The following EPAS1 variants were observed in gnomAD, a reference collection of about 807,000 sequenced individuals.
EPAS1 encodes the protein endothelial PAS domain protein 1, also known as endothelial PAS domain-containing protein 1.
EPAS1 carries 23 observed loss-of-function variants against 87.9 expected under a neutral mutation model. That is an observed-to-expected ratio of 0.26 (90% CI 0.19 to 0.37). The LOEUF is 0.37. Among genes scored for constraint, EPAS1 ranks in the 10% least tolerant of loss-of-function variants. The probability of loss-of-function intolerance (pLI) is 1.00; values close to 1 mark genes in which losing one functional copy is unlikely to be tolerated. For missense variants in EPAS1, 1,138 were observed against 1,120.7 expected (o/e 1.02, Z -0.22); for synonymous variants, 508 against 444.3 (o/e 1.14, Z -1.80).
rs762460551 is a variant in EPAS1 at position 46,380,208 on chromosome 2, C to T, written c.1555-19C>T. The stretch of plus-strand genomic sequence containing the variant: ...CGTACCAACCCCCTTGCCTCTTTGC[C>T]GGTGCTGTCTCCCCTCAGACGGATT... On this transcript the variant is annotated intron_variant, in intron 11 of 15. Transcript: ENST00000263734. This position sits in a 1 kb window ranked among gnomAD's most constrained non-coding sequence, Gnocchi z 4.4. The T allele has an allele frequency of 2.2e-5, 35 of 1,606,232 alleles. No individual in the cohort carries two copies. The highest frequency in any genetic ancestry group is 1.6e-4 in the Middle Eastern group (1 of 6,084).
chr2:46,301,724 A>G (rs1683003880), intron 1 of EPAS1, among the ~76,000 whole-genome samples: 1 of 151,782 alleles, frequency 6.6e-6, no homozygotes, highest in Non-Finnish European at 1.5e-5. Context: ...CCCCATCACA[A>G]CTCTCAAACC....
intron 2 of EPAS1, 71 bp from the exon 3 acceptor site, chr2:46,356,080 C>A: frequency 1.3e-6 from 2 of 1,509,468 alleles, no homozygotes; most frequent in Non-Finnish European, 9.2e-7. Context: ...CTGGCAAATG[C>A]CTATCTGTGC....
intron 1 of EPAS1, among the ~76,000 whole-genome samples, chr2:46,333,950 G>C (rs573197737): frequency 6.6e-6 from 1 of 152,138 alleles, no homozygotes; most frequent in East Asian, 1.9e-4. Flanking sequence ...GTGTGCCCTG[G>C]GTGAAGTTTG....
rs76239010 is a variant in EPAS1 at position 46,366,097 on chromosome 2, G to T, written c.780-3730G>T. On this transcript the variant is annotated intron_variant, in intron 6 of 15. Coordinates refer to ENST00000263734, the MANE Select transcript of EPAS1 (RefSeq NM_001430.5). ...AGCCAGATCTTGCGTGACTCCAGGCGGTGGCATCTGAAGTCAGGCACCGTG... is the reference window on the plus strand; with the variant it reads ...AGCCAGATCTTGCGTGACTCCAGGCTGTGGCATCTGAAGTCAGGCACCGTG... 2.6e-3 allele frequency among the ~76,000 whole-genome samples: 388 copies of T among 151,030 alleles called. 2 individuals carry two copies. Among genetic ancestry groups the T allele is most frequent in the African/African-American group, 9.2e-3 (379 of 41,058 alleles).
At chr2:46,309,405 A>G (rs1271594366) in intron 1 of EPAS1, among the ~76,000 whole-genome samples, 2 of 152,368 alleles carry the variant, frequency 1.3e-5, no homozygotes, top group African/African-American at 2.4e-5. Context: ...CTGCCTTTAC[A>G]ATGTTGCCAT....
rs1460559038 is a variant in EPAS1 at position 46,381,160 on chromosome 2, TC to T, written c.2046-433del. ...CTGTGCCTAGGCTCCAGAAATGCCT[TC>T]CCATCTCCCCAGCATGCTCATTTCA... On this transcript the variant is annotated intron_variant, in intron 12 of 15. Transcript: ENST00000263734. 7 of 344,596 alleles carry T rather than the reference TC, an allele frequency of 2.0e-5. No homozygotes were observed. The Admixed American group carries it at 2.9e-4, about 14-fold the overall frequency. 21.3% of individuals were successfully genotyped at this position (344,596 alleles called of 1,614,324 possible). A position where few individuals can be genotyped will look rare whatever the true frequency, so the allele number is the denominator to read the frequency against.
intron 7 of EPAS1, among the ~76,000 whole-genome samples, chr2:46,373,393 G>A (rs1003919872): frequency 6.6e-6 from 1 of 152,052 alleles, no homozygotes; most frequent in African/African-American, 2.4e-5. Context: ...CCATCAACAG[G>A]CAGATGGATA....
Position 46,319,113 on chromosome 2 carries a change from G to A in EPAS1, c.26+21176G>A, listed in dbSNP as rs1558585750. Among the ~76,000 whole-genome samples, 2 of 152,306 alleles carry A rather than the reference G, an allele frequency of 1.3e-5. 1 individual carries two copies. Among genetic ancestry groups the A allele is most frequent in the South Asian group, 4.1e-4 (2 of 4,830 alleles). ...ATTTCTGACCAGTGTGTTAGCTATG[G>A]TGCCCCAGAAATAGCTGCAAAATAA... On this transcript the variant is annotated intron_variant, in intron 1 of 15. Coordinates refer to ENST00000263734, the MANE Select transcript of EPAS1 (RefSeq NM_001430.5).
chr2:46,346,992 C>G lies in EPAS1; in HGVS notation c.146C>G (p.Ser49Cys), dbSNP rs149898744. The G allele has an allele frequency of 6.2e-7, 1 of 1,614,190 alleles. No homozygotes were observed. Among genetic ancestry groups the G allele is most frequent in the Non-Finnish European group, 8.5e-7 (1 of 1,180,034 alleles). The change falls in exon 2 of 16, where the codon TCC (serine) becomes TGC (cysteine). Residue 49 changes from serine (S) to cysteine (C), a missense_variant. By Grantham distance (112) the Ser-to-Cys change is moderately radical (BLOSUM62 -1). This residue lies in a region of EPAS1 where 351 missense variants were observed against 417.1 expected (regional missense o/e 0.84). Transcript: ENST00000263734. This position sits in a 1 kb window ranked among gnomAD's most constrained non-coding sequence, Gnocchi z 4.0. Reference sequence around the variant, plus strand: ...CTGCCTCTGCCCCACAGTGTGAGCTCCCATCTGGACAAGGCCTCCATCATG... The same window carrying G: ...CTGCCTCTGCCCCACAGTGTGAGCTGCCATCTGGACAAGGCCTCCATCATG... The part of the protein sequence containing the change: ...HELPLPHSVS[S>C]HLDKASIMRL...
intron 1 of EPAS1, chr2:46,335,923 C>A (rs766932991): frequency 8.5e-5 from 13 of 152,212 alleles, no homozygotes; most frequent in Admixed American, 5.9e-4. Flanking sequence ...TCACTCCCTG[C>A]GCAGTTGGCT....
At chr2:46,374,155 C>T (rs1405601668) in intron 7 of EPAS1, among the ~76,000 whole-genome samples, 5 of 152,214 alleles carry the variant, frequency 3.3e-5, no homozygotes, top group African/African-American at 1.2e-4. Context: ...GAAAGCAAAA[C>T]ATAAGTGTAA....
chr2:46,314,068 A>G (rs1173555792), intron 1 of EPAS1, among the ~76,000 whole-genome samples: 1 of 152,248 alleles, frequency 6.6e-6, no homozygotes, highest in East Asian at 1.9e-4. Context: ...ATGTGATCAC[A>G]AAACCAGAGA....
rs534462207 is a variant in EPAS1, at chr2:46,343,664, C to G, written c.27-3209C>G. Among the ~76,000 whole-genome samples the G allele has an allele frequency of 2.0e-5, 3 of 152,332 alleles. No individual in the cohort carries two copies. In the South Asian group the frequency reaches 6.2e-4, roughly 32 times the overall value. On this transcript the variant is annotated intron_variant, in intron 1 of 15. Transcript: ENST00000263734. ...TTGTCCTTTTAGGTTCAGCTGAAAT[C>G]CCACCTCCCTGACTTTTGAACCAAG...
At chr2:46,369,497 C>G (rs980027641) in intron 6 of EPAS1, among the ~76,000 whole-genome samples, 2 of 152,188 alleles carry the variant, frequency 1.3e-5, no homozygotes, top group Non-Finnish European at 2.9e-5. Context: ...TCTGCAAAAA[C>G]TTGGGGTGAG....
rs779724820 is a variant in EPAS1, at chr2:46,382,011, T to G, written c.2209T>G (p.Trp737Gly). Residue 737 changes from tryptophan (W) to glycine (G), a missense_variant, in exon 14 of 16, where the codon TGG becomes GGG. Trp to Gly is a radical substitution (Grantham distance 184, BLOSUM62 -2). Coordinates refer to ENST00000263734, the MANE Select transcript of EPAS1 (RefSeq NM_001430.5). ...TGGTGGCAGCACCTCACATTTGATG[T>G]GGAAACGGATGAAGAACCTCAGGGG... ...PPGGSTSHLM[W>G]KRMKNLRGGS... The G allele has an allele frequency of 1.9e-6, 3 of 1,613,964 alleles. No homozygotes were observed. The highest frequency in any genetic ancestry group is 2.2e-5 in the South Asian group (2 of 91,074).
At chr2:46,352,973 T>C (rs1684201404) in intron 2 of EPAS1, among the ~76,000 whole-genome samples, 5 of 152,238 alleles carry the variant, frequency 3.3e-5, no homozygotes, top group Admixed American at 3.3e-4. Context: ...AAACAGGAAA[T>C]TTTAAGCAGG....
chr2:46,368,402 A>G (rs945629819), intron 6 of EPAS1, among the ~76,000 whole-genome samples: 12 of 152,198 alleles, frequency 7.9e-5, no homozygotes, highest in Admixed American at 5.9e-4. Context: ...ATAACATTTT[A>G]CAGATGAGTT....
Position 46,375,565 on chromosome 2 carries a change from T to C in EPAS1, c.887-125T>C. 1.7e-6 allele frequency: 2 copies of C among 1,207,982 alleles called. No individual in the cohort carries two copies. Among genetic ancestry groups the C allele is most frequent in the Non-Finnish European group, 2.4e-6 (2 of 840,174 alleles). 74.8% of individuals were successfully genotyped at this position (1,207,982 alleles called of 1,614,324 possible). On this transcript the variant is annotated intron_variant, in intron 7 of 15. Coordinates refer to ENST00000263734, the MANE Select transcript of EPAS1 (RefSeq NM_001430.5). The surrounding 1 kb of genome is among the most constrained non-coding windows in gnomAD (Gnocchi z 4.1). ...CCAGGTCACTCTCCCTGGTCCTCAC[T>C]GTCGTGGCGCCCTGTTCTGTCTGTT... is the stretch of plus-strand genomic sequence containing the variant.
chr2:46,321,944 C>T (rs1185492795), intron 1 of EPAS1, among the ~76,000 whole-genome samples: 1 of 152,146 alleles, frequency 6.6e-6, no homozygotes, highest in East Asian at 1.9e-4. Context: ...GCCTTTGGGA[C>T]TTAAGTAACT....
Sources: allele counts gnomAD v4.1 joint callset (sites outside exome capture counted in the v4.1 genomes callset), GRCh38; gene constraint gnomAD v4.1.1; regional missense constraint gnomAD v4.1.1; non-coding constraint Gnocchi (gnomAD v3.1); transcripts MANE v1.5; gene names NCBI Gene and HGNC (gene_info 2026-07-23, HGNC 2026-07-21).